The following COMMD10 variants were observed in gnomAD, a reference collection of about 807,000 sequenced individuals.
COMMD10 encodes COMM domain-containing protein 10.
Under a neutral mutation model 28.9 loss-of-function variants are expected in COMMD10, and 33 were observed. The observed-to-expected ratio is 1.14, with a 90% CI of 0.87 to 1.53. COMMD10 has a LOEUF of 1.53. Ranked by LOEUF, COMMD10 falls within the 40% of genes most tolerant of loss-of-function variation. The probability of loss-of-function intolerance (pLI) is 0.00; values close to 1 mark genes in which losing one functional copy is unlikely to be tolerated. For missense variants in COMMD10, 310 were observed against 233.4 expected, an observed-to-expected ratio of 1.33 and a Z score of -2.14; for synonymous variants, 110 against 81.7, an observed-to-expected ratio of 1.35 and a Z score of -1.87.
At chr5:116,278,653 A>G (rs529984038) in intron 5 of COMMD10, among the ~76,000 whole-genome samples, 1 of 151,990 alleles carries the variant, frequency 6.6e-6, no homozygotes, top group East Asian at 1.9e-4. Flanking sequence ...CGATTTTTAT[A>G]CTGAATAAAG....
At position 116,293,154 on chromosome 5, in the gene COMMD10, G is replaced by A. The variant is rs1751417204; in HGVS notation, c.*665G>A. Reference sequence around the variant, plus strand: ...AATAATGATTCACTTTATAGTTTGGGAGACAGAATCAGGTCTTGAATAAAA... The same window carrying A: ...AATAATGATTCACTTTATAGTTTGGAAGACAGAATCAGGTCTTGAATAAAA... On this transcript the variant is annotated 3_prime_UTR_variant, in exon 7 of 7. Transcript: ENST00000274458. The A allele has an allele frequency of 5.1e-6, 2 of 393,064 alleles. No individual in the cohort carries two copies. The highest frequency in any genetic ancestry group is 9.0e-6 in the Non-Finnish European group (2 of 222,570). 24.3% of individuals were successfully genotyped at this position (393,064 alleles called of 1,614,324 possible). A position where few individuals can be genotyped will look rare whatever the true frequency, so the allele number is the denominator to read the frequency against.
intron 5 of COMMD10, among the ~76,000 whole-genome samples, chr5:116,231,373 T>C (rs986979054): frequency 6.6e-6 from 1 of 152,142 alleles, no homozygotes; most frequent in Non-Finnish European, 1.5e-5. Flanking sequence ...TAATGTTTAA[T>C]ATTAGAACAG....
intron 5 of COMMD10, among the ~76,000 whole-genome samples, chr5:116,247,439 C>A (rs947910731): frequency 3.3e-5 from 5 of 152,032 alleles, no homozygotes; most frequent in Non-Finnish European, 5.9e-5. Flanking sequence ...AGCAGAAATA[C>A]CATTCAAGCC....
intron 5 of COMMD10, among the ~76,000 whole-genome samples, chr5:116,214,572 T>C (rs564532534): frequency 6.6e-6 from 1 of 151,846 alleles, no homozygotes; most frequent in Admixed American, 6.5e-5. Context: ...ATGTAGAAGT[T>C]TCTTCAAGGT....
At chr5:116,222,103 C>A (rs1404690698) in intron 5 of COMMD10, among the ~76,000 whole-genome samples, 2 of 152,086 alleles carry the variant, frequency 1.3e-5, no homozygotes, top group Non-Finnish European at 2.9e-5. Flanking sequence ...ATGTTAATGC[C>A]ATCTGGGATG....
intron 5 of COMMD10, among the ~76,000 whole-genome samples, chr5:116,275,978 C>G (rs1259108521): frequency 1.3e-5 from 2 of 150,436 alleles, no homozygotes; most frequent in Non-Finnish European, 2.9e-5. Flanking sequence ...ATATATGGTA[C>G]TACCCTTGAC....
chr5:116,135,865 G>T (rs1473117393), intron 5 of COMMD10, among the ~76,000 whole-genome samples: 2 of 152,140 alleles, frequency 1.3e-5, no homozygotes, highest in African/African-American at 2.4e-5. Context: ...CTGCAGTTTA[G>T]TGTAGTGTAA....
chr5:116,206,681 T>C (rs1280300809), intron 5 of COMMD10, among the ~76,000 whole-genome samples: 1 of 151,900 alleles, frequency 6.6e-6, no homozygotes, highest in African/African-American at 2.4e-5. Context: ...AAGAAAAAAA[T>C]TGGAGACAGC....
intron 5 of COMMD10, among the ~76,000 whole-genome samples, chr5:116,154,969 A>G (rs1181431279): frequency 2.6e-5 from 4 of 152,040 alleles, no homozygotes; most frequent in African/African-American, 7.2e-5. Context: ...CATGATAGCT[A>G]TGCTATTTTT....
At chr5:116,180,158 G>A (rs1486581842) in intron 5 of COMMD10, among the ~76,000 whole-genome samples, 1 of 152,002 alleles carries the variant, frequency 6.6e-6, no homozygotes, top group Admixed American at 6.6e-5. Context: ...GATTATATCT[G>A]TTGTATACAC....
At chr5:116,242,470 T>C (rs905381567) in intron 5 of COMMD10, among the ~76,000 whole-genome samples, 7 of 152,190 alleles carry the variant, frequency 4.6e-5, no homozygotes, top group African/African-American at 1.7e-4. Context: ...CCCTGAGGGT[T>C]TGACATTATT....
chr5:116,166,162 G>GAAAGTA (rs1554095318), intron 5 of COMMD10, among the ~76,000 whole-genome samples: 1 of 151,938 alleles, frequency 6.6e-6, no homozygotes, highest in African/African-American at 2.4e-5. Flanking sequence ...GTCAAATGGC[G>GAAAGTA]ATAGTTGTTC....
At chr5:116,127,412 C>T (rs187298198) in intron 4 of COMMD10, among the ~76,000 whole-genome samples, 92 of 152,222 alleles carry the variant, frequency 6.0e-4, no homozygotes, top group African/African-American at 2.0e-3. Flanking sequence ...GTGACCCAGC[C>T]ATCCCATTAC....
At chr5:116,085,200 G>A (rs74583480) in intron 1 of COMMD10, 107 bp downstream of exon 1, 48,308 of 677,626 alleles carry the variant, frequency 0.071, 3,040 homozygotes, top group African/African-American at 0.23. Context: ...CGGCGGGCCC[G>A]GTTGAGTGGG....
chr5:116,253,646 C>G (rs1452944223), intron 5 of COMMD10, among the ~76,000 whole-genome samples: 1 of 144,726 alleles, frequency 6.9e-6, no homozygotes, highest in African/African-American at 2.7e-5. Flanking sequence ...AGGGATGAAG[C>G]CCACTTGATC....
In COMMD10 at chr5:116,207,445, T is replaced by C. The variant is rs138090061; in HGVS notation, c.510+73267T>C. On this transcript the variant is annotated intron_variant, in intron 5 of 6. Transcript: ENST00000274458. Reference sequence around the variant, plus strand: ...TTCAAGAAGTTGTACAAAGATAATATCGATGTTCTCTTTTATTCATCAGTT... The same window carrying C: ...TTCAAGAAGTTGTACAAAGATAATACCGATGTTCTCTTTTATTCATCAGTT... Among the ~76,000 whole-genome samples, 722 of 152,296 alleles carry C rather than the reference T, an allele frequency of 4.7e-3. 3 individuals carry two copies. Among genetic ancestry groups the C allele is most frequent in the Non-Finnish European group, 6.2e-3 (422 of 68,020 alleles).
intron 5 of COMMD10, among the ~76,000 whole-genome samples, chr5:116,138,093 ATTTCAAATC>A (rs1051519742): frequency 6.6e-6 from 1 of 151,928 alleles, no homozygotes; most frequent in African/African-American, 2.4e-5. Flanking sequence ...AAGTGTTTAC[ATTTCAAATC>A]TTTATAGAAC....
intron 5 of COMMD10, among the ~76,000 whole-genome samples, chr5:116,181,338 G>T (rs1747951416): frequency 6.6e-6 from 1 of 150,998 alleles, no homozygotes; most frequent in South Asian, 2.1e-4. Context: ...GTTTATCAGT[G>T]TTCTTATTAT....
At chr5:116,135,781 TC>T (rs1243173757) in intron 5 of COMMD10, among the ~76,000 whole-genome samples, 2 of 152,208 alleles carry the variant, frequency 1.3e-5, no homozygotes, top group Admixed American at 1.3e-4. Context: ...TTTAGTACTA[TC>T]CATGGTTTCA....
Sources: gnomAD v4.1 joint callset for allele counts (sites outside exome capture counted in the v4.1 genomes callset) on GRCh38, gnomAD v4.1.1 for gene constraint, MANE v1.5 for transcripts, NCBI Gene and HGNC (gene_info 2026-07-23, HGNC 2026-07-21) for gene names.